NR3C2: variants seen among roughly 807,000 people sequenced by gnomAD.
NR3C2 encodes the protein mineralocorticoid receptor.
Under a neutral mutation model 86.4 loss-of-function variants are expected in NR3C2, and 15 were observed. The ratio of observed to expected loss-of-function variants is 0.17; its 90% CI spans 0.12 to 0.27. NR3C2 has a LOEUF of 0.27. Ranked by LOEUF, NR3C2 falls within the 10% of genes least tolerant of loss-of-function variation. The pLI is 1.00. For missense variants in NR3C2, 960 were observed against 1,195.6 expected (o/e 0.80, Z 2.91); for synonymous variants, 458 against 450.5 (o/e 1.02, Z -0.21).
At chr4:148,378,694 C>T (rs528716365) in intron 2 of NR3C2, among the ~76,000 whole-genome samples, 1 of 152,200 alleles carries the variant, frequency 6.6e-6, no homozygotes, top group Admixed American at 6.5e-5. Flanking sequence ...ATGTCTGAGG[C>T]CTCCCCAGAA....
intron 2 of NR3C2, among the ~76,000 whole-genome samples, chr4:148,341,856 A>G (rs1744764494): frequency 1.3e-5 from 2 of 152,322 alleles, no homozygotes; most frequent in Non-Finnish European, 2.9e-5. Flanking sequence ...TTTTTAAAGA[A>G]CAAGTACTTG....
intron 3 of NR3C2, among the ~76,000 whole-genome samples, chr4:148,249,683 ATT>A (rs942936191): frequency 2.0e-5 from 3 of 152,316 alleles, no homozygotes; most frequent in Admixed American, 2.0e-4. Flanking sequence ...GAGAAAATAC[ATT>A]TCTCTCTCTT....
chr4:148,345,112 G>T (rs1744926210), intron 2 of NR3C2, among the ~76,000 whole-genome samples: 6 of 152,098 alleles, frequency 3.9e-5, no homozygotes. Context: ...ACTGTAAATG[G>T]CTGGATTCCA....
chr4:148,216,514 C>A (rs977568758), intron 3 of NR3C2, among the ~76,000 whole-genome samples: 28 of 152,274 alleles, frequency 1.8e-4, no homozygotes, highest in Middle Eastern at 3.4e-3. Context: ...CCCAAGCAGA[C>A]AGGCTCTGGC....
At chr4:148,221,672 C>G (rs1312806129) in intron 3 of NR3C2, among the ~76,000 whole-genome samples, 1 of 152,064 alleles carries the variant, frequency 6.6e-6, no homozygotes, top group African/African-American at 2.4e-5. Flanking sequence ...GCAGGTGGAT[C>G]ACTTGAGGCC....
At chr4:148,313,006 C>T (rs1343329792) in intron 2 of NR3C2, among the ~76,000 whole-genome samples, 1 of 152,112 alleles carries the variant, frequency 6.6e-6, no homozygotes, top group African/African-American at 2.4e-5. Context: ...ATAAAATTAA[C>T]ACTCTTCAAA....
intron 3 of NR3C2, among the ~76,000 whole-genome samples, chr4:148,242,529 T>C (rs905437188): frequency 1.3e-5 from 2 of 152,212 alleles, no homozygotes; most frequent in African/African-American, 2.4e-5. Flanking sequence ...ACAGATTTCT[T>C]GATTCCTGTG....
At chr4:148,228,328 A>G (rs549298826) in intron 3 of NR3C2, among the ~76,000 whole-genome samples, 1 of 152,270 alleles carries the variant, frequency 6.6e-6, no homozygotes, top group Admixed American at 6.5e-5. Context: ...GTGACAGTAC[A>G]TCGTCCATAT....
intron 8 of NR3C2, among the ~76,000 whole-genome samples, chr4:148,099,343 C>T (rs1393520238): frequency 6.6e-6 from 1 of 152,170 alleles, no homozygotes; most frequent in Non-Finnish European, 1.5e-5. Context: ...AGAGTGACAC[C>T]TAACCTATCA....
At position 148,078,831 on chromosome 4, in the gene NR3C2, A is replaced by G. The variant is rs1730408855; in HGVS notation, c.*2513T>C. The G allele has an allele frequency of 6.5e-6, 1 of 152,690 alleles. No individual in the cohort carries two copies. The highest frequency in any genetic ancestry group is 2.1e-4 in the South Asian group (1 of 4,830). The allele number at this position is 152,690 out of a possible 1,614,324, so 9.5% of individuals were successfully genotyped here. A position where few individuals can be genotyped will look rare whatever the true frequency, so the allele number is the denominator to read the frequency against. ...TGCAAAGACAGACATATGTTTTTGC[A>G]TAAAGATATAAATTGCTTCATTTTA... On this transcript the variant is annotated 3_prime_UTR_variant, in exon 9 of 9. Coordinates refer to ENST00000358102, the MANE Select transcript of NR3C2 (RefSeq NM_000901.5).
upstream of NR3C2, among the ~76,000 whole-genome samples, chr4:148,445,314 C>A (rs571635140): frequency 2.0e-5 from 3 of 151,608 alleles, no homozygotes; most frequent in Admixed American, 6.6e-5. Context: ...CTGCCCACCC[C>A]GCCAGGCTGC....
intron 2 of NR3C2, among the ~76,000 whole-genome samples, chr4:148,364,215 A>C (rs1745995778): frequency 6.6e-6 from 1 of 152,184 alleles, no homozygotes; most frequent in Admixed American, 6.5e-5. Flanking sequence ...TTTCTTGATT[A>C]ATACCTTTAA....
At chr4:148,171,350 G>A (rs978993868) in intron 4 of NR3C2, among the ~76,000 whole-genome samples, 6 of 152,154 alleles carry the variant, frequency 3.9e-5, no homozygotes, top group Non-Finnish European at 7.3e-5. Context: ...CTTCAATCAC[G>A]AGTGCAGCTT....
intron 4 of NR3C2, among the ~76,000 whole-genome samples, chr4:148,155,876 A>G (rs899337086): frequency 6.6e-6 from 1 of 152,172 alleles, no homozygotes; most frequent in African/African-American, 2.4e-5. Flanking sequence ...ACAAGGCTAC[A>G]GTAACCAAAA....
At chr4:148,361,825 A>AATTTT (rs1745851333) in intron 2 of NR3C2, among the ~76,000 whole-genome samples, 1 of 21,638 alleles carries the variant, frequency 4.6e-5, no homozygotes, top group Non-Finnish European at 1.1e-4. Context: ...ACTACCCTAA[A>AATTTT]GTTTTGTTGT....
At chr4:148,247,058 G>A (rs1218072230) in intron 3 of NR3C2, among the ~76,000 whole-genome samples, 1 of 152,124 alleles carries the variant, frequency 6.6e-6, no homozygotes, top group Non-Finnish European at 1.5e-5. Context: ...AGGATAAAGA[G>A]AAAAGCACAA....
intron 3 of NR3C2, chr4:148,208,059 G>A (rs1737095530): frequency 6.6e-6 from 1 of 152,204 alleles, no homozygotes; most frequent in Non-Finnish European, 1.5e-5. Context: ...GGGAACTACT[G>A]TACACTTAAA....
At chr4:148,377,128 A>G (rs970258780) in intron 2 of NR3C2, among the ~76,000 whole-genome samples, 1 of 152,208 alleles carries the variant, frequency 6.6e-6, no homozygotes, top group Non-Finnish European at 1.5e-5. Flanking sequence ...GGAAGACAAA[A>G]GAAAGGTAAA....
intron 3 of NR3C2, among the ~76,000 whole-genome samples, chr4:148,220,366 G>A (rs1368534856): frequency 1.3e-5 from 2 of 152,134 alleles, no homozygotes; most frequent in African/African-American, 4.8e-5. Context: ...GGGATTACAG[G>A]TGTGAGCCAC....
Sources: allele counts gnomAD v4.1 joint callset (sites outside exome capture counted in the v4.1 genomes callset), GRCh38; gene constraint gnomAD v4.1.1; transcripts MANE v1.5; gene names NCBI Gene and HGNC (gene_info 2026-07-23, HGNC 2026-07-21).